The following NCALD variants were observed in gnomAD, a reference collection of about 807,000 sequenced individuals.
NCALD encodes the protein neurocalcin-delta.
A neutral mutation model predicts 18.6 loss-of-function variants in NCALD; 10 were observed. That is an observed-to-expected ratio of 0.54 (90% confidence interval 0.33 to 0.91). The LOEUF is 0.91. NCALD is among the 40% of genes least tolerant of loss of function. The pLI is 0.03. For missense variants in NCALD, 184 were observed against 247.6 expected (o/e 0.74, Z 1.72); for synonymous variants, 88 against 87.4 (o/e 1.01, Z -0.04).
intron 4 of NCALD, among the ~76,000 whole-genome samples, chr8:101,865,015 A>G (rs1033555225): frequency 6.6e-6 from 1 of 152,212 alleles, no homozygotes; most frequent in African/African-American, 2.4e-5. Flanking sequence ...TTTTCATTAT[A>G]ATAAGTGCTC....
chr8:102,075,286 AT>A (rs1463638356), intron 1 of NCALD, among the ~76,000 whole-genome samples: 1 of 152,220 alleles, frequency 6.6e-6, no homozygotes, highest in South Asian at 2.1e-4. Flanking sequence ...GTCCATGAAT[AT>A]TTATGGAAAC....
chr8:101,880,321 C>A (rs992928818), intron 4 of NCALD, among the ~76,000 whole-genome samples: 30 of 152,192 alleles, frequency 2.0e-4, no homozygotes, highest in African/African-American at 6.8e-4. Flanking sequence ...CGAGCCCACG[C>A]CCACCCAGAA....
chr8:101,939,338 TGATAA>T (rs1818870958), intron 2 of NCALD, among the ~76,000 whole-genome samples: 1 of 152,324 alleles, frequency 6.6e-6, no homozygotes, highest in African/African-American at 2.4e-5. Flanking sequence ...ATATCTTAAT[TGATAA>T]GATGTCTGAA....
chr8:102,047,786 G>C (rs1823300604), intron 1 of NCALD, among the ~76,000 whole-genome samples: 1 of 152,092 alleles, frequency 6.6e-6, no homozygotes, highest in Admixed American at 6.5e-5. Context: ...ATTTTTTCAG[G>C]AAAATCTGTA....
At chr8:101,856,520 G>A (rs1172693402) in intron 4 of NCALD, among the ~76,000 whole-genome samples, 3 of 151,828 alleles carry the variant, frequency 2.0e-5, no homozygotes, top group Non-Finnish European at 2.9e-5. Flanking sequence ...ATGGCCTTAC[G>A]TGTAAGATTT....
At chr8:101,892,235 A>G (rs1816931829) in intron 3 of NCALD, among the ~76,000 whole-genome samples, 1 of 148,242 alleles carries the variant, frequency 6.7e-6, no homozygotes, top group East Asian at 1.9e-4. Context: ...ACTGGGAGGC[A>G]CCCCCAAGCA....
At chr8:102,004,761 C>G (rs371738878) in intron 2 of NCALD, among the ~76,000 whole-genome samples, 19 of 152,068 alleles carry the variant, frequency 1.2e-4, no homozygotes, top group African/African-American at 2.2e-4. Context: ...ACAAATCTGA[C>G]AAAAACAAGC....
chr8:101,940,748 A>G (rs1027841001), intron 2 of NCALD, among the ~76,000 whole-genome samples: 8 of 152,198 alleles, frequency 5.3e-5, no homozygotes, highest in Non-Finnish European at 4.4e-5. Flanking sequence ...GATAAACTGC[A>G]CAGAGCCTAA....
chr8:101,937,128 A>G (rs1217545666), intron 2 of NCALD, among the ~76,000 whole-genome samples: 1 of 152,210 alleles, frequency 6.6e-6, no homozygotes, highest in Non-Finnish European at 1.5e-5. Flanking sequence ...CCTAACAAAG[A>G]AGTGATGCTT....
intron 1 of NCALD, among the ~76,000 whole-genome samples, chr8:102,100,171 T>TA (rs556753796): frequency 1.8e-4 from 27 of 152,238 alleles, no homozygotes; most frequent in Admixed American, 6.5e-4. Flanking sequence ...TATCAACACT[T>TA]ACAACAAAAG....
In NCALD at chr8:101,809,098, G is replaced by C. The variant is rs967139959; in HGVS notation, c.-20+78043C>G. Among the ~76,000 whole-genome samples the C allele has an allele frequency of 5.5e-4, 83 of 152,146 alleles. 1 individual carries two copies. Among genetic ancestry groups the C allele is most frequent in the Admixed American group, 4.6e-4 (7 of 15,276 alleles). ...GGAGTCCCTAAAGAAGAAAATAGAA[G>C]TGCGTTCTAAAAGCATTGCAGAAGA... On this transcript the variant is annotated intron_variant, in intron 4 of 6. Transcript: ENST00000311028.
At chr8:101,711,555 C>T (rs762175505) in intron 2 of NCALD, among the ~76,000 whole-genome samples, 5 of 151,674 alleles carry the variant, frequency 3.3e-5, no homozygotes, top group Non-Finnish European at 5.9e-5. Flanking sequence ...ACTAGAATAA[C>T]CAGTTTAGAG....
At chr8:101,995,704 C>T (rs528613676) in intron 2 of NCALD, among the ~76,000 whole-genome samples, 2 of 152,196 alleles carry the variant, frequency 1.3e-5, no homozygotes, top group South Asian at 4.1e-4. Context: ...ACCTTCAACA[C>T]TGGGGCTTAC....
rs1563934064 is a variant in NCALD, at chr8:101,959,488, TCA to T, written c.-156-43632_-156-43631del. On this transcript the variant is annotated intron_variant, in intron 2 of 6. Transcript: ENST00000311028. ...GGTACTTTGAGACTGCATAAATATC[TCA>T]GTCCTCAAAAAACTTTCCAGTTATT... is the stretch of plus-strand genomic sequence containing the variant. Among the ~76,000 whole-genome samples the T allele has an allele frequency of 2.0e-5, 3 of 152,278 alleles. No homozygotes were observed. In the East Asian group the frequency reaches 5.8e-4, roughly 29 times the overall value.
chr8:101,757,468 T>C (rs966073287), intron 1 of NCALD, among the ~76,000 whole-genome samples: 19 of 152,172 alleles, frequency 1.2e-4, no homozygotes, highest in African/African-American at 4.6e-4. Flanking sequence ...CAGTCATCTC[T>C]AGTTTCTGTG....
intron 4 of NCALD, among the ~76,000 whole-genome samples, chr8:101,812,658 A>G (rs1173078210): frequency 6.6e-6 from 1 of 152,184 alleles, no homozygotes; most frequent in Non-Finnish European, 1.5e-5. Context: ...AAGATGTATG[A>G]CCCATGAAGT....
At chr8:101,866,894 C>T (rs1414745305) in intron 4 of NCALD, among the ~76,000 whole-genome samples, 1 of 152,170 alleles carries the variant, frequency 6.6e-6, no homozygotes. Flanking sequence ...CATGTCACTT[C>T]TCTGCTCAAG....
intron 4 of NCALD, among the ~76,000 whole-genome samples, chr8:101,848,719 T>A (rs927909596): frequency 6.6e-6 from 1 of 152,200 alleles, no homozygotes; most frequent in East Asian, 1.9e-4. Context: ...CTTCAATTTT[T>A]TGCATGTATC....
chr8:101,916,814 TA>T (rs2131628847), intron 2 of NCALD, among the ~76,000 whole-genome samples: 1 of 152,242 alleles, frequency 6.6e-6, no homozygotes, highest in East Asian at 1.9e-4. Flanking sequence ...TTAACTATCC[TA>T]AATATATATG....
Sources: gnomAD v4.1 joint callset for allele counts (sites outside exome capture counted in the v4.1 genomes callset) on GRCh38, gnomAD v4.1.1 for gene constraint, MANE v1.5 for transcripts, NCBI Gene and HGNC (gene_info 2026-07-23, HGNC 2026-07-21) for gene names.